CARMIL3: variants seen among roughly 807,000 people sequenced by gnomAD.
CARMIL3 encodes capping protein regulator and myosin 1 linker 3.
CARMIL3 carries 88 observed loss-of-function variants against 180.8 expected under a neutral mutation model. The ratio of observed to expected loss-of-function variants is 0.49; its 90% CI spans 0.41 to 0.58. CARMIL3 has a LOEUF of 0.58. CARMIL3 is among the 20% of genes least tolerant of loss of function. The pLI, the probability that CARMIL3 is intolerant of heterozygous loss-of-function variation, is 0.00. For missense variants in CARMIL3, 1,548 were observed against 1,787.0 expected (o/e 0.87, Z 2.41); for synonymous variants, 696 against 714.5 (o/e 0.97, Z 0.41).
rs2035705054 is a variant in CARMIL3 at position 24,059,237 on chromosome 14, G to C, written c.1627-33G>C. ...GGACCTGCAGTCGGAGGAGGCTGTG[G>C]GGACTGGGTCCAACCGCCCCTTGCC... On this transcript the variant is annotated intron_variant, in intron 20 of 39. Coordinates refer to ENST00000342740, the MANE Select transcript of CARMIL3 (RefSeq NM_138360.4). This position sits in a 1 kb window ranked among gnomAD's most constrained non-coding sequence, Gnocchi z 6.3. 6.2e-7 allele frequency: 1 copy of C among 1,613,662 alleles called. No homozygotes were observed. The highest frequency in any genetic ancestry group is 1.3e-5 in the African/African-American group (1 of 74,914).
At chr14:24,053,447 C>CCG (rs1741181459) in intron 1 of CARMIL3, among the ~76,000 whole-genome samples, 1 of 152,228 alleles carries the variant, frequency 6.6e-6, no homozygotes, top group African/African-American at 2.4e-5. Flanking sequence ...CAGTCAGCAA[C>CCG]CGTCCCCTGA....
Position 24,053,801 on chromosome 14 carries a change from C to G in CARMIL3, c.133C>G (p.Leu45Val). ...GCCCAAGAAGTTTGAGGACCGAGTG[C>G]TGGTGAGGGCACTGGGCATGTGGGG... ...TKPKKFEDRV[L>V]ALTSWRLHLF... is the part of the protein sequence containing the mutation. Residue 45 changes from leucine to valine, a missense_variant and splice_region_variant, in exon 2 of 40, where the codon CTG becomes GTG. Around this residue, in one of 4 missense-constraint regions of CARMIL3, gnomAD observed 578 missense variants for 666.5 expected, o/e 0.87. Coordinates refer to ENST00000342740, the MANE Select transcript of CARMIL3 (RefSeq NM_138360.4). 14 of 1,610,808 alleles carry G rather than the reference C, an allele frequency of 8.7e-6. No homozygotes were observed. Among genetic ancestry groups the G allele is most frequent in the Non-Finnish European group, 1.0e-5 (12 of 1,178,242 alleles).
chr14:24,063,421 G>C lies in CARMIL3; in HGVS notation c.2867G>C (p.Gly956Ala). 6.2e-7 allele frequency: 1 copy of C among 1,613,912 alleles called. No individual in the cohort carries two copies. The highest frequency in any genetic ancestry group is 8.5e-7 in the Non-Finnish European group (1 of 1,180,002). Residue 956 changes from glycine (G) to alanine (A), a missense_variant, in exon 31 of 40, where the codon GGC becomes GCC. This residue lies in a region of CARMIL3 where 668 missense variants were observed against 687.8 expected (regional missense o/e 0.97). Transcript: ENST00000342740. ...GGGGGCAGCCAGCCCACAGCTAGTG[G>C]CTCCTGGGAAGGTCTATCTGAGCTG... ...GLGGSQPTASGSWEGLSELPT... is the reference protein window; with the variant it reads ...GLGGSQPTASASWEGLSELPT...
chr14:24,061,795 C>A lies in CARMIL3; in HGVS notation c.2480+123C>A. The A allele has an allele frequency of 8.8e-7, 1 of 1,139,978 alleles. No individual in the cohort carries two copies. The highest frequency in any genetic ancestry group is 1.2e-6 in the Non-Finnish European group (1 of 819,026). The allele number at this position is 1,139,978 out of a possible 1,614,324, so 70.6% of individuals were successfully genotyped here. ...CACAATCTCCATTACAAGGATCAAT[C>A]TTTAACCAAGTGCAACCTTGCTATT... On this transcript the variant is annotated intron_variant, in intron 27 of 39. Coordinates refer to ENST00000342740, the MANE Select transcript of CARMIL3 (RefSeq NM_138360.4). The surrounding 1 kb of genome is among the most constrained non-coding windows in gnomAD (Gnocchi z 4.1).
At chr14:24,055,671 C>T in intron 9 of CARMIL3, 30 bp from the exon 10 acceptor site, 1 of 1,613,880 alleles carries the variant, frequency 6.2e-7, no homozygotes, top group South Asian at 1.1e-5. Flanking sequence ...CCCCTTGGCC[C>T]CTGATCACAA....
rs750459385 is a variant in CARMIL3, at chr14:24,060,006, C to G, written c.1905C>G (p.Ser635Arg). 1.2e-6 allele frequency: 2 copies of G among 1,613,976 alleles called. No homozygotes were observed. The highest frequency in any genetic ancestry group is 2.2e-5 in the South Asian group (2 of 91,090). ...HTLRFMSFPV[S>R]DISQAYRSAP... Reference sequence around the variant, plus strand: ...TGCGCTTCATGTCCTTCCCCGTGAGCGACATCTCCCAAGCCTATCGCAGCG... The same window carrying G: ...TGCGCTTCATGTCCTTCCCCGTGAGGGACATCTCCCAAGCCTATCGCAGCG... The change falls in exon 23 of 40, where the codon AGC (serine) becomes AGG (arginine). Residue 635 changes from serine (S) to arginine (R), a missense_variant. This residue lies in a region of CARMIL3 where 297 missense variants were observed against 415.9 expected (regional missense o/e 0.71). Transcript: ENST00000342740.
At chr14:24,066,285 C>T (rs977538340) in intron 34 of CARMIL3, 113 bp from the exon 35 acceptor site, 1 of 1,282,436 alleles carries the variant, frequency 7.8e-7, no homozygotes. Flanking sequence ...TTTTAAGTGT[C>T]TAGGGACTAA....
At chr14:24,064,929 T>C (rs769702501) in intron 32 of CARMIL3, 29 bp from the exon 33 acceptor site, 1 of 1,601,934 alleles carries the variant, frequency 6.2e-7, no homozygotes, top group Non-Finnish European at 8.5e-7. Flanking sequence ...ATCTGGCATT[T>C]GTTGCTAACT....
rs2035728517 is a variant in CARMIL3, at chr14:24,061,113, G to A, written c.2304+73G>A. ...CTGAGGCCCTAAGCCCAGAGCTAAA[G>A]TCAGAGCTGGGAGACTTCTGGAGGG... On this transcript the variant is annotated intron_variant, in intron 26 of 39. Transcript: ENST00000342740. The surrounding 1 kb of genome is among the most constrained non-coding windows in gnomAD (Gnocchi z 4.1). The A allele has an allele frequency of 7.3e-6, 10 of 1,375,064 alleles. No homozygotes were observed. The highest frequency in any genetic ancestry group is 4.0e-5 in the Admixed American group (2 of 49,534). 85.2% of individuals were successfully genotyped at this position (1,375,064 alleles called of 1,614,324 possible).
rs1389869897 is a variant in CARMIL3, at chr14:24,061,891, A to G, written c.2480+219A>G. 1.8e-6 allele frequency: 1 copy of G among 553,430 alleles called. No individual in the cohort carries two copies. The highest frequency in any genetic ancestry group is 1.9e-5 in the African/African-American group (1 of 52,738). 34.3% of individuals were successfully genotyped at this position (553,430 alleles called of 1,614,324 possible). Reference sequence around the variant, plus strand: ...GGGTTTAGGAGCCAAGTTTGTGCCCACACAGGTGTACACACACATACCCAC... The same window carrying G: ...GGGTTTAGGAGCCAAGTTTGTGCCCGCACAGGTGTACACACACATACCCAC... On this transcript the variant is annotated intron_variant, in intron 27 of 39. Transcript: ENST00000342740. This position sits in a 1 kb window ranked among gnomAD's most constrained non-coding sequence, Gnocchi z 4.1.
At chr14:24,069,291 T>C (rs775910090) in intron 39 of CARMIL3, 44 bp downstream of exon 39, 6 of 1,612,768 alleles carry the variant, frequency 3.7e-6, no homozygotes, top group Non-Finnish European at 5.1e-6. Context: ...CACCTATCTG[T>C]CCAACATGAC....
chr14:24,052,094 C>T lies in CARMIL3; in HGVS notation c.-60C>T. ...CTGCTGAAGCCGGGTCTAGCATGTGCCGCGGCTCCCCGGCGGCGGCGGCGG... is the reference window on the plus strand; with the variant it reads ...CTGCTGAAGCCGGGTCTAGCATGTGTCGCGGCTCCCCGGCGGCGGCGGCGG... On this transcript the variant is annotated 5_prime_UTR_variant, in exon 1 of 40. Coordinates refer to ENST00000342740, the MANE Select transcript of CARMIL3 (RefSeq NM_138360.4). 5 of 1,507,942 alleles carry T rather than the reference C, an allele frequency of 3.3e-6. No homozygotes were observed. Among genetic ancestry groups the T allele is most frequent in the Non-Finnish European group, 4.4e-6 (5 of 1,131,798 alleles). 93.4% of individuals were successfully genotyped at this position (1,507,942 alleles called of 1,614,324 possible).
rs766092347 is a variant in CARMIL3, at chr14:24,054,285, C to T, written c.230C>T (p.Thr77Met). The T allele has an allele frequency of 2.0e-5, 32 of 1,614,088 alleles. No individual in the cohort carries two copies. Among genetic ancestry groups the T allele is most frequent in the East Asian group, 6.7e-5 (3 of 44,892 alleles). ...GTCCTGGAGATCCGTGCCTTCAACA[C>T]GCTCAGTCAGAATCAGGTGAGTACC... ...FNVLEIRAFNTLSQNQILVET... is the reference protein window; with the variant it reads ...FNVLEIRAFNMLSQNQILVET... Residue 77 changes from threonine to methionine, a missense_variant, in exon 4 of 40, where the codon ACG becomes ATG. Transcript: ENST00000342740. This position sits in a 1 kb window ranked among gnomAD's most constrained non-coding sequence, Gnocchi z 5.1.
Position 24,056,901 on chromosome 14 carries a change from C to T in CARMIL3, c.953-14C>T, listed in dbSNP as rs529032149. The T allele has an allele frequency of 6.3e-5, 101 of 1,613,210 alleles. 1 individual carries two copies. The East Asian group carries it at 1.8e-3, about 28-fold the overall frequency. Reference sequence around the variant, plus strand: ...GGCTAGGGGCCAACCCAGCCCAGTGCCCGCTGTGCTCAGGGCTCCAGGCAC... The same window carrying T: ...GGCTAGGGGCCAACCCAGCCCAGTGTCCGCTGTGCTCAGGGCTCCAGGCAC... On this transcript the variant is annotated splice_polypyrimidine_tract_variant and intron_variant, in intron 12 of 39. Coordinates refer to ENST00000342740, the MANE Select transcript of CARMIL3 (RefSeq NM_138360.4).
rs2035846468 is a variant in CARMIL3 at position 24,069,720 on chromosome 14, C to G, written c.*316C>G. The G allele has an allele frequency of 2.6e-6, 1 of 383,970 alleles. No individual in the cohort carries two copies. The highest frequency in any genetic ancestry group is 4.7e-6 in the Non-Finnish European group (1 of 212,636). 23.8% of individuals were successfully genotyped at this position (383,970 alleles called of 1,614,324 possible). ...TCCCCTCTTGTATAGAATAAAAAAACAAAATCATCGCCTGCCTCGAGTCTC... is the reference window on the plus strand; with the variant it reads ...TCCCCTCTTGTATAGAATAAAAAAAGAAAATCATCGCCTGCCTCGAGTCTC... On this transcript the variant is annotated 3_prime_UTR_variant, in exon 40 of 40. Coordinates refer to ENST00000342740, the MANE Select transcript of CARMIL3 (RefSeq NM_138360.4).
At position 24,054,807 on chromosome 14, in the gene CARMIL3, C is replaced by T. The variant is rs143181096; in HGVS notation, c.459C>T (p.Cys153=). The change falls in exon 6 of 40, where the codon TGC becomes TGT. Residue 153 remains cysteine, a splice_region_variant and synonymous_variant. Transcript: ENST00000342740. This position sits in a 1 kb window ranked among gnomAD's most constrained non-coding sequence, Gnocchi z 5.1. ...CCACATCTACCACCCACAGTGTCTG[C>T]GGTGAGCAGGGGCAGATGTGAGGAA... The part of the protein sequence containing the change: ...ETSTSTTHSV[C]GGFSETYAAL... 8.3e-4 allele frequency: 1,339 copies of T among 1,613,324 alleles called. 1 individual carries two copies. Among genetic ancestry groups the T allele is most frequent in the African/African-American group, 1.8e-3 (136 of 75,044 alleles).
intron 11 of CARMIL3, 45 bp from the exon 12 acceptor site, chr14:24,056,577 A>G: frequency 6.2e-7 from 1 of 1,600,906 alleles, no homozygotes; most frequent in Non-Finnish European, 8.6e-7. Flanking sequence ...ACCTGCACCC[A>G]CTGCCCTGCC....
intron 31 of CARMIL3, among the ~76,000 whole-genome samples, chr14:24,063,878 G>A (rs1205179581): frequency 1.4e-5 from 2 of 144,380 alleles, no homozygotes; most frequent in African/African-American, 5.0e-5. Context: ...GGCAGATCAC[G>A]AGGTCAAGAG....
At chr14:24,055,944 C>T (rs2035667751) in intron 10 of CARMIL3, among the ~76,000 whole-genome samples, 155 bp downstream of exon 10, 2 of 152,140 alleles carry the variant, frequency 1.3e-5, no homozygotes, top group South Asian at 4.1e-4. Flanking sequence ...CAAAGCAAGT[C>T]GGAGGTCAAG....
Sources: allele counts gnomAD v4.1 joint callset (sites outside exome capture counted in the v4.1 genomes callset), GRCh38; gene constraint gnomAD v4.1.1; regional missense constraint gnomAD v4.1.1; non-coding constraint Gnocchi (gnomAD v3.1); transcripts MANE v1.5; gene names NCBI Gene and HGNC (gene_info 2026-07-23, HGNC 2026-07-21).